RFTN1: variants seen among roughly 807,000 people sequenced by gnomAD.
RFTN1 encodes the protein raftlin, lipid raft linker 1, also known as raftlin.
A neutral mutation model predicts 46.5 loss-of-function variants in RFTN1; 26 were observed. The observed-to-expected ratio is 0.56, with a 90% CI of 0.41 to 0.78. The LOEUF (loss-of-function observed/expected upper bound fraction) is 0.78, where lower values mean the gene tolerates loss of function less well. RFTN1 is among the 30% of genes least tolerant of loss of function. The pLI is 0.00. For missense variants in RFTN1, 693 were observed against 718.7 expected, an observed-to-expected ratio of 0.96 and a Z score of 0.41; for synonymous variants, 261 against 284.2, an observed-to-expected ratio of 0.92 and a Z score of 0.82.
At chr3:16,333,012 C>T (rs1231067561) in intron 7 of RFTN1, among the ~76,000 whole-genome samples, 1 of 152,136 alleles carries the variant, frequency 6.6e-6, no homozygotes, top group African/African-American at 2.4e-5. Context: ...CAATATATAA[C>T]CTTGTTTAAT....
chr3:16,490,958 G>A (rs940194446), intron 2 of RFTN1, among the ~76,000 whole-genome samples: 9 of 152,172 alleles, frequency 5.9e-5, no homozygotes, highest in African/African-American at 2.2e-4. Context: ...GCCAGGCACT[G>A]TCCTAAGCAC....
At position 16,341,458 on chromosome 3, in the gene RFTN1, T is replaced by C. The variant is rs749956875; in HGVS notation, c.1147-14582A>G. The stretch of plus-strand genomic sequence containing the variant: ...TGCAGTGGAACCATACAATGAAATA[T>C]TATCCAGCACTAAAAAGCAATGAGC... On this transcript the variant is annotated intron_variant, in intron 7 of 9. Transcript: ENST00000334133. This position sits in a 1 kb window ranked among gnomAD's most constrained non-coding sequence, Gnocchi z 4.7. Among the ~76,000 whole-genome samples the C allele has an allele frequency of 2.6e-5, 4 of 152,208 alleles. No individual in the cohort carries two copies. The highest frequency in any genetic ancestry group is 6.5e-5 in the Admixed American group (1 of 15,276).
At chr3:16,462,326 C>T (rs2076020172) in intron 2 of RFTN1, among the ~76,000 whole-genome samples, 2 of 152,234 alleles carry the variant, frequency 1.3e-5, no homozygotes, top group Non-Finnish European at 2.9e-5. Flanking sequence ...GCAGCACCAC[C>T]TTTAATAGGT....
At chr3:16,405,974 G>A (rs1336279793) in intron 4 of RFTN1, among the ~76,000 whole-genome samples, 1 of 152,142 alleles carries the variant, frequency 6.6e-6, no homozygotes, top group Admixed American at 6.5e-5. Flanking sequence ...CAATTAACAA[G>A]TGTCACCACT....
chr3:16,506,687 A>T lies in RFTN1; in HGVS notation c.-9+6755T>A, dbSNP rs2076812861. ...ATGTTAACTCCACCCAAGCAGAGGTATGCAGTAGGCCGCTGGATGTACCAT... is the reference window on the plus strand; with the variant it reads ...ATGTTAACTCCACCCAAGCAGAGGTTTGCAGTAGGCCGCTGGATGTACCAT... On this transcript the variant is annotated intron_variant, in intron 1 of 9. Transcript: ENST00000334133. This position sits in a 1 kb window ranked among gnomAD's most constrained non-coding sequence, Gnocchi z 4.8. Among the ~76,000 whole-genome samples, 1 of 151,894 alleles carries T rather than the reference A, an allele frequency of 6.6e-6. No homozygotes were observed. Among genetic ancestry groups the T allele is most frequent in the Non-Finnish European group, 1.5e-5 (1 of 67,990 alleles).
Position 16,351,090 on chromosome 3 carries a change from GGGTTACAGGCCAGAGTA to G in RFTN1, c.1146+6825_1146+6841del, listed in dbSNP as rs1454151982. ...ACAGGATTCACAGGATTATGAGACA[GGGTTACAGGCCAGAGTA>G]GGTTTCAGTTACAGAAAAGTGTGTC... On this transcript the variant is annotated intron_variant, in intron 7 of 9. Coordinates refer to ENST00000334133, the MANE Select transcript of RFTN1 (RefSeq NM_015150.2). The surrounding 1 kb of genome is among the most constrained non-coding windows in gnomAD (Gnocchi z 5.4). Among the ~76,000 whole-genome samples the G allele has an allele frequency of 2.0e-5, 3 of 152,218 alleles. No individual in the cohort carries two copies. Among genetic ancestry groups the G allele is most frequent in the Non-Finnish European group, 4.4e-5 (3 of 68,044 alleles).
intron 4 of RFTN1, among the ~76,000 whole-genome samples, chr3:16,399,440 G>GAAA (rs1465655006): frequency 2.0e-5 from 3 of 152,156 alleles, no homozygotes; most frequent in Admixed American, 1.3e-4. Context: ...GGCCACTCCA[G>GAAA]CAATAGCTGT....
In RFTN1 at chr3:16,457,604, A is replaced by G. The variant is rs1338058138; in HGVS notation, c.146-23567T>C. On this transcript the variant is annotated intron_variant, in intron 2 of 9. Transcript: ENST00000334133. The surrounding 1 kb of genome is among the most constrained non-coding windows in gnomAD (Gnocchi z 4.2). Reference sequence around the variant, plus strand: ...TTATTTAGTTCTGTAAATTTTAAGTAATAAAATTTTAGTTTTTTGTTTCGG... The same window carrying G: ...TTATTTAGTTCTGTAAATTTTAAGTGATAAAATTTTAGTTTTTTGTTTCGG... Among the ~76,000 whole-genome samples the G allele has an allele frequency of 6.6e-6, 1 of 152,352 alleles. No homozygotes were observed. Among genetic ancestry groups the G allele is most frequent in the East Asian group, 1.9e-4 (1 of 5,194 alleles).
At position 16,316,756 on chromosome 3, in the gene RFTN1, C is replaced by T; in HGVS notation, c.*72G>A. On this transcript the variant is annotated 3_prime_UTR_variant, in exon 10 of 10. Transcript: ENST00000334133. This position sits in a 1 kb window ranked among gnomAD's most constrained non-coding sequence, Gnocchi z 4.5. ...AACACACAACACCAGGGAAACCAGC[C>T]CCCAAACCAGCTGTTGGTAAGATGC... is the stretch of plus-strand genomic sequence containing the variant. 4 of 1,581,908 alleles carry T rather than the reference C, an allele frequency of 2.5e-6. No homozygotes were observed. Among genetic ancestry groups the T allele is most frequent in the Non-Finnish European group, 2.6e-6 (3 of 1,153,918 alleles).
In RFTN1 at chr3:16,342,518, CAT is replaced by C. The variant is rs1257621236; in HGVS notation, c.1146+15412_1146+15413del. On this transcript the variant is annotated intron_variant, in intron 7 of 9. Transcript: ENST00000334133. The surrounding 1 kb of genome is among the most constrained non-coding windows in gnomAD (Gnocchi z 4.0). ...TAATGTACATAGGTCTTTATGTGGA[CAT>C]ATGTTTTCATTTCTCTTAAATATAG... 2.5e-4 allele frequency among the ~76,000 whole-genome samples: 38 copies of C among 152,094 alleles called. No homozygotes were observed. Among genetic ancestry groups the C allele is most frequent in the Non-Finnish European group, 1.5e-5 (1 of 68,026 alleles).
intron 3 of RFTN1, among the ~76,000 whole-genome samples, chr3:16,417,674 G>A (rs536959652): frequency 1.3e-5 from 2 of 152,166 alleles, no homozygotes; most frequent in African/African-American, 4.8e-5. Flanking sequence ...CAGGGGAAGG[G>A]TCAGATGGCC....
chr3:16,355,316 A>AC (rs2072365685), intron 7 of RFTN1, among the ~76,000 whole-genome samples: 1 of 152,258 alleles, frequency 6.6e-6, no homozygotes, highest in South Asian at 2.1e-4. Flanking sequence ...ATAACAATGT[A>AC]CCACAGGCTG....
At chr3:16,482,200 G>A (rs2076376973) in intron 2 of RFTN1, among the ~76,000 whole-genome samples, 1 of 152,174 alleles carries the variant, frequency 6.6e-6, no homozygotes, top group Non-Finnish European at 1.5e-5. Flanking sequence ...AGACCTCAGT[G>A]CAAGCTGCGG....
chr3:16,379,463 C>CAG (rs2073906230), intron 4 of RFTN1, among the ~76,000 whole-genome samples: 3 of 151,840 alleles, frequency 2.0e-5, no homozygotes, highest in Non-Finnish European at 4.4e-5. Context: ...TTCAATGATG[C>CAG]TGCATGGTAT....
intron 2 of RFTN1, among the ~76,000 whole-genome samples, chr3:16,486,864 T>C (rs1327513650): frequency 6.6e-6 from 1 of 152,226 alleles, no homozygotes; most frequent in African/African-American, 2.4e-5. Flanking sequence ...GGTCAAATCA[T>C]GTCATAAGGA....
Position 16,352,938 on chromosome 3 carries a change from C to A in RFTN1, c.1146+4994G>T, listed in dbSNP as rs990000786. Reference sequence around the variant, plus strand: ...TTGCCAACGTGCTGCACTGTCCGCACACTACATTTTCGTGTGTCCATGCAC... The same window carrying A: ...TTGCCAACGTGCTGCACTGTCCGCAAACTACATTTTCGTGTGTCCATGCAC... On this transcript the variant is annotated intron_variant, in intron 7 of 9. Transcript: ENST00000334133. The surrounding 1 kb of genome is among the most constrained non-coding windows in gnomAD (Gnocchi z 4.6). 6.6e-6 allele frequency among the ~76,000 whole-genome samples: 1 copy of A among 152,158 alleles called. No individual in the cohort carries two copies. The highest frequency in any genetic ancestry group is 6.5e-5 in the Admixed American group (1 of 15,284).
At position 16,385,948 on chromosome 3, in the gene RFTN1, C is replaced by G. The variant is rs1423501260; in HGVS notation, c.442-7846G>C. Among the ~76,000 whole-genome samples, 4 of 152,214 alleles carry G rather than the reference C, an allele frequency of 2.6e-5. No homozygotes were observed. The highest frequency in any genetic ancestry group is 6.5e-5 in the Admixed American group (1 of 15,288). On this transcript the variant is annotated intron_variant, in intron 4 of 9. Coordinates refer to ENST00000334133, the MANE Select transcript of RFTN1 (RefSeq NM_015150.2). This position sits in a 1 kb window ranked among gnomAD's most constrained non-coding sequence, Gnocchi z 5.0. ...GAACTGGCAGGAGAATCTGCTGCCC[C>G]CTCCAAGGCTGCAAGACCCCCAGGC...
At chr3:16,431,452 G>A (rs931375751) in intron 3 of RFTN1, among the ~76,000 whole-genome samples, 11 of 151,546 alleles carry the variant, frequency 7.3e-5, no homozygotes, top group African/African-American at 2.7e-4. Flanking sequence ...ATCCCCAGGA[G>A]ACTCACAAGC....
chr3:16,415,316 C>T (rs562685998), intron 3 of RFTN1, among the ~76,000 whole-genome samples: 12 of 151,008 alleles, frequency 7.9e-5, no homozygotes, highest in African/African-American at 2.7e-4. Context: ...GTGGCACAGG[C>T]TTAGGGGGGA....
Sources: allele counts gnomAD v4.1 joint callset (sites outside exome capture counted in the v4.1 genomes callset), GRCh38; gene constraint gnomAD v4.1.1; non-coding constraint Gnocchi (gnomAD v3.1); transcripts MANE v1.5; gene names NCBI Gene and HGNC (gene_info 2026-07-23, HGNC 2026-07-21).